Variants in PSMF1 observed in about 807,000 individuals in gnomAD.
The protein encoded by PSMF1 is proteasome inhibitor subunit 1, also known as proteasome inhibitor PI31 subunit.
A neutral mutation model predicts 29.3 loss-of-function variants in PSMF1; 30 were observed. That is an observed-to-expected ratio of 1.02 (90% confidence interval 0.77 to 1.39). The LOEUF is 1.39. Among genes scored for constraint, PSMF1 ranks in the 40% most tolerant of loss-of-function variants. PSMF1 has a pLI of 0.00. For synonymous variants in PSMF1, 134 were observed against 139.7 expected (o/e 0.96, Z 0.29); for missense variants, 344 against 357.5 (o/e 0.96, Z 0.31).
At position 1,121,637 on chromosome 20, in the gene PSMF1, G is replaced by T. The variant is rs148751599; in HGVS notation, c.129+2735G>T. Among the ~76,000 whole-genome samples the T allele has an allele frequency of 6.6e-5, 10 of 152,278 alleles. No individual in the cohort carries two copies. In the East Asian group the frequency reaches 1.9e-3, roughly 29 times the overall value. On this transcript the variant is annotated intron_variant, in intron 1 of 6. Coordinates refer to ENST00000335877, the MANE Select transcript of PSMF1 (RefSeq NM_006814.5). Reference sequence around the variant, plus strand: ...ATCTGCTGTTTCCACCCTTCTGGGGGTGATAAGAAGGAGAGGAAGGTCCCA... The same window carrying T: ...ATCTGCTGTTTCCACCCTTCTGGGGTTGATAAGAAGGAGAGGAAGGTCCCA...
rs73890802 is a variant in PSMF1, at chr20:1,164,059, C to G, written c.606-259C>G. Among the ~76,000 whole-genome samples, 1,765 of 152,168 alleles carry G rather than the reference C, an allele frequency of 0.012. 34 individuals carry two copies. Among genetic ancestry groups the G allele is most frequent in the African/African-American group, 0.041 (1,696 of 41,516 alleles). On this transcript the variant is annotated intron_variant, in intron 5 of 6. Transcript: ENST00000335877. The surrounding 1 kb of genome is among the most constrained non-coding windows in gnomAD (Gnocchi z 4.1). ...GGCAGGGATCTCAATTTTGAGGAGC[C>G]CTACAGAACCAAAAGCACTGTGCAG...
intron 4 of PSMF1, among the ~76,000 whole-genome samples, chr20:1,145,146 A>G (rs1464379055): frequency 6.6e-6 from 1 of 152,222 alleles, no homozygotes; most frequent in African/African-American, 2.4e-5. Context: ...TCAGCCTCTC[A>G]AAGGGCTGGG....
At chr20:1,135,100 C>T (rs371991413) in intron 3 of PSMF1, 21 bp from the exon 4 acceptor site, 3 of 1,613,534 alleles carry the variant, frequency 1.9e-6, no homozygotes, top group East Asian at 2.2e-5. Context: ...AAGCAGTTGA[C>T]TCTTCATCTG....
chr20:1,156,251 T>C (rs899908123), intron 4 of PSMF1, among the ~76,000 whole-genome samples: 5 of 152,162 alleles, frequency 3.3e-5, no homozygotes, highest in African/African-American at 1.2e-4. Flanking sequence ...TTTAAAATAA[T>C]GTCTGAGGGA....
rs2086707592 is a variant in PSMF1 at position 1,164,720 on chromosome 20, C to T, written c.764+244C>T. Among the ~76,000 whole-genome samples, 1 of 152,174 alleles carries T rather than the reference C, an allele frequency of 6.6e-6. No homozygotes were observed. Among genetic ancestry groups the T allele is most frequent in the Non-Finnish European group, 1.5e-5 (1 of 68,042 alleles). On this transcript the variant is annotated intron_variant, in intron 6 of 6. Transcript: ENST00000335877. The surrounding 1 kb of genome is among the most constrained non-coding windows in gnomAD (Gnocchi z 4.1). ...TGGGGAGGACTCAAAGTAGGAGGAACTAACAATTCTTGAAAGTTAAGTATG... is the reference window on the plus strand; with the variant it reads ...TGGGGAGGACTCAAAGTAGGAGGAATTAACAATTCTTGAAAGTTAAGTATG...
At chr20:1,159,408 A>C (rs1291898250) in intron 4 of PSMF1, among the ~76,000 whole-genome samples, 1 of 151,898 alleles carries the variant, frequency 6.6e-6, no homozygotes, top group Non-Finnish European at 1.5e-5. Flanking sequence ...TGATTTGCCC[A>C]CCTCAGGCCT....
At chr20:1,152,868 G>A (rs758084811) in intron 4 of PSMF1, among the ~76,000 whole-genome samples, 8 of 152,244 alleles carry the variant, frequency 5.3e-5, no homozygotes, top group South Asian at 2.1e-4. Context: ...TTCTGATTTG[G>A]GACTGCCATA....
At chr20:1,147,990 T>C (rs1029997689) in intron 4 of PSMF1, among the ~76,000 whole-genome samples, 1 of 152,178 alleles carries the variant, frequency 6.6e-6, no homozygotes, top group Non-Finnish European at 1.5e-5. Flanking sequence ...CAGCCTCTGC[T>C]CCTTCCCATA....
intron 3 of PSMF1, chr20:1,134,830 G>A (rs1363519326): frequency 6.4e-6 from 3 of 470,314 alleles, no homozygotes; most frequent in Non-Finnish European, 1.2e-5. Context: ...CAGAGGAGTA[G>A]CCAATCCAGG....
intron 1 of PSMF1, among the ~76,000 whole-genome samples, chr20:1,120,347 T>C (rs574090595): frequency 5.3e-5 from 8 of 152,276 alleles, no homozygotes; most frequent in African/African-American, 1.9e-4. Flanking sequence ...AGCTAGCCTT[T>C]CACACACACA....
intron 4 of PSMF1, among the ~76,000 whole-genome samples, chr20:1,139,087 C>T (rs2086347242): frequency 6.6e-6 from 1 of 152,012 alleles, no homozygotes; most frequent in Non-Finnish European, 1.5e-5. Flanking sequence ...GAGGCAGAAT[C>T]GCTTGAACCT....
At chr20:1,115,753 G>T (rs6077796), upstream of PSMF1, among the ~76,000 whole-genome samples, 32,094 of 91,118 alleles carry the variant, frequency 0.35, 3,638 homozygotes, top group South Asian at 0.43. Context: ...TTTTTTTTTT[G>T]AGACAGTCTC....
chr20:1,140,282 G>T (rs998187168), intron 4 of PSMF1, among the ~76,000 whole-genome samples: 1 of 152,212 alleles, frequency 6.6e-6, no homozygotes, highest in Non-Finnish European at 1.5e-5. Context: ...AGAATTGAGA[G>T]TCTAGAAATT....
chr20:1,162,736 A>G (rs1356537755), intron 4 of PSMF1, among the ~76,000 whole-genome samples: 1 of 152,132 alleles, frequency 6.6e-6, no homozygotes, highest in Non-Finnish European at 1.5e-5. Flanking sequence ...ATCTGTCTCC[A>G]CCTTGGAAGC....
At chr20:1,141,820 GCCAGATA>G (rs1200048269) in intron 4 of PSMF1, among the ~76,000 whole-genome samples, 2 of 152,172 alleles carry the variant, frequency 1.3e-5, no homozygotes, top group African/African-American at 2.4e-5. Context: ...TGACCAGGTT[GCCAGATA>G]CCAGATTAAC....
intron 4 of PSMF1, chr20:1,161,330 G>T (rs1184197826): frequency 6.1e-6 from 2 of 326,548 alleles, no homozygotes; most frequent in Non-Finnish European, 5.8e-6. Context: ...TTGGCAACAT[G>T]CAGTTCCAGT....
chr20:1,154,299 TTTTC>T (rs1048349371), intron 4 of PSMF1, among the ~76,000 whole-genome samples: 3 of 152,238 alleles, frequency 2.0e-5, no homozygotes, highest in African/African-American at 7.2e-5. Flanking sequence ...TTCTTTCTGT[TTTTC>T]TTTCTTCTAA....
chr20:1,160,708 G>T, intron 4 of PSMF1: 1 of 487,086 alleles, frequency 2.1e-6, no homozygotes, highest in Admixed American at 2.3e-5. Context: ...CAACACCAGG[G>T]CATGATGGTG....
At chr20:1,144,447 A>C (rs866401165) in intron 4 of PSMF1, among the ~76,000 whole-genome samples, 5 of 152,238 alleles carry the variant, frequency 3.3e-5, no homozygotes, top group Admixed American at 1.3e-4. Context: ...GAAAAATGAA[A>C]ATTGTGCCCA....
Sources: gnomAD v4.1 joint callset for allele counts (sites outside exome capture counted in the v4.1 genomes callset) on GRCh38, gnomAD v4.1.1 for gene constraint, Gnocchi (gnomAD v3.1) non-coding constraint, MANE v1.5 for transcripts, NCBI Gene and HGNC (gene_info 2026-07-23, HGNC 2026-07-21) for gene names.